Variants in LRIG3 observed in about 807,000 individuals in gnomAD.
LRIG3 encodes leucine rich repeats and immunoglobulin like domains 3.
LRIG3 carries 76 observed loss-of-function variants against 114.5 expected under a neutral mutation model. The ratio of observed to expected loss-of-function variants is 0.66; its 90% CI spans 0.55 to 0.80. LRIG3 has a LOEUF of 0.80. Ranked by LOEUF, LRIG3 falls within the 30% of genes least tolerant of loss-of-function variation. The pLI is 0.00. For synonymous variants in LRIG3, 512 were observed against 519.8 expected (o/e 0.98, Z 0.20); for missense variants, 1,239 against 1,382.8 (o/e 0.90, Z 1.65).
In LRIG3 at chr12:58,872,649, T is replaced by C; in HGVS notation, c.3283A>G (p.Asn1095Asp). 6.2e-7 allele frequency: 1 copy of C among 1,614,122 alleles called. No individual in the cohort carries two copies. Among genetic ancestry groups the C allele is most frequent in the Non-Finnish European group, 8.5e-7 (1 of 1,179,996 alleles). The part of the protein sequence containing the change: ...GKERTDFQEE[N>D]HICTFKQTLE... The stretch of plus-strand genomic sequence containing the variant: ...GTCTGTTTAAAGGTACAAATGTGAT[T>C]TTCTTCCTGAAAATCTGTCCTTTCT... Residue 1095 changes from asparagine (N) to aspartate (D), a missense_variant, in exon 19 of 19, where the codon AAT (asparagine) becomes GAT (aspartate). Physicochemically the swap from Asn to Asp is conservative, Grantham distance 23. Coordinates refer to ENST00000320743, the MANE Select transcript of LRIG3 (RefSeq NM_153377.5).
In LRIG3 at chr12:58,920,281, C is replaced by T; in HGVS notation, c.-46G>A. On this transcript the variant is annotated 5_prime_UTR_variant, in exon 1 of 19. Transcript: ENST00000320743. ...CTCTACCCGAAGCTCCCAGCCGGCG[C>T]GCGCTCGGGGCCCGGCACAAACTTC... 7.7e-7 allele frequency: 1 copy of T among 1,290,410 alleles called. No individual in the cohort carries two copies. Among genetic ancestry groups the T allele is most frequent in the Non-Finnish European group, 9.8e-7 (1 of 1,016,758 alleles). The allele number at this position is 1,290,410 out of a possible 1,614,324, so 79.9% of individuals were successfully genotyped here.
chr12:58,880,530 C>G, intron 13 of LRIG3, 51 bp downstream of exon 13: 1 of 1,564,394 alleles, frequency 6.4e-7, no homozygotes, highest in Non-Finnish European at 8.7e-7. Flanking sequence ...CAGGTGCTTT[C>G]TATTTCTAAA....
intron 3 of LRIG3, among the ~76,000 whole-genome samples, chr12:58,900,386 T>C (rs1488622583): frequency 1.3e-5 from 2 of 152,158 alleles, no homozygotes; most frequent in Admixed American, 1.3e-4. Flanking sequence ...GAACTGTATC[T>C]TCTCTTCATG....
chr12:58,891,992 T>C (rs1871470484), intron 3 of LRIG3, among the ~76,000 whole-genome samples: 1 of 151,936 alleles, frequency 6.6e-6, no homozygotes, highest in Non-Finnish European at 1.5e-5. Context: ...TACCATTGTG[T>C]AAAGTTCTAC....
intron 1 of LRIG3, chr12:58,914,548 C>G: frequency 1.9e-6 from 1 of 523,232 alleles, no homozygotes; most frequent in South Asian, 3.0e-5. Flanking sequence ...GATTCAAATA[C>G]TTTAAGCCCA....
chr12:58,887,617 C>A (rs1871317476), intron 8 of LRIG3, among the ~76,000 whole-genome samples, 172 bp downstream of exon 8: 1 of 152,102 alleles, frequency 6.6e-6, no homozygotes, highest in Admixed American at 6.5e-5. Flanking sequence ...CTATACGAAA[C>A]ACATATGGAT....
At chr12:58,919,613 G>C in intron 1 of LRIG3, 1 of 1,502,782 alleles carries the variant, frequency 6.7e-7, no homozygotes, top group Non-Finnish European at 8.9e-7. Context: ...TCATAACTCA[G>C]CGAGAACTGC....
rs1401023884 is a variant in LRIG3 at position 58,885,870 on chromosome 12, G to C, written c.1205C>G (p.Thr402Ser). 2 of 1,590,500 alleles carry C rather than the reference G, an allele frequency of 1.3e-6. No individual in the cohort carries two copies. The highest frequency in any genetic ancestry group is 1.3e-5 in the African/African-American group (1 of 74,348). ...ILQGNRIRSI[T>S]KKAFTGLDAL... ...ATCCAAACCAGTGAAGGCTTTTTTA[G>C]TAATAGAACGGATCCGATTTCCTTG... The change falls in exon 10 of 19, where the codon ACT (threonine) becomes AGT (serine). Residue 402 changes from threonine to serine, a missense_variant. By Grantham distance (58) the Thr-to-Ser change is moderately conservative. Transcript: ENST00000320743.
Position 58,886,681 on chromosome 12 carries a change from C to G in LRIG3, c.1172+129G>C, listed in dbSNP as rs1172777178. On this transcript the variant is annotated intron_variant, in intron 9 of 18. Transcript: ENST00000320743. ...AACAGCAGGCATTTGGGGAGAGGAT[C>G]AAGGGTGGTAACCAGATTAAGCACT... The G allele has an allele frequency of 6.4e-5, 43 of 669,240 alleles. No individual in the cohort carries two copies. The East Asian group carries it at 1.1e-3, about 17-fold the overall frequency. The allele number at this position is 669,240 out of a possible 1,614,324, so 41.5% of individuals were successfully genotyped here. A position where few individuals can be genotyped will look rare whatever the true frequency, so the allele number is the denominator to read the frequency against.
intron 16 of LRIG3, among the ~76,000 whole-genome samples, chr12:58,875,423 CTG>C (rs1054327012): frequency 4.9e-4 from 75 of 152,342 alleles, no homozygotes; most frequent in African/African-American, 1.8e-3. Context: ...TCTGACGAAA[CTG>C]TGAAATTGAA....
At chr12:58,881,346 T>A (rs1674365741) in intron 12 of LRIG3, among the ~76,000 whole-genome samples, 1 of 143,256 alleles carries the variant, frequency 7.0e-6, no homozygotes, top group Non-Finnish European at 1.5e-5. Context: ...TCATGATTAA[T>A]CAACAAAGAC....
intron 3 of LRIG3, among the ~76,000 whole-genome samples, chr12:58,901,219 T>C (rs1489500814): frequency 6.6e-6 from 1 of 152,226 alleles, no homozygotes; most frequent in African/African-American, 2.4e-5. Flanking sequence ...TAATAACAGC[T>C]GACTACAAAC....
rs1870853730 is a variant in LRIG3, at chr12:58,874,563, A to G, written c.2706T>C (p.His902=). 3.7e-6 allele frequency: 6 copies of G among 1,613,956 alleles called. No individual in the cohort carries two copies. Among genetic ancestry groups the G allele is most frequent in the Non-Finnish European group, 3.4e-6 (4 of 1,179,960 alleles). The change falls in exon 17 of 19, where the codon CAT becomes CAC. Residue 902 remains histidine (H), a synonymous_variant. Coordinates refer to ENST00000320743, the MANE Select transcript of LRIG3 (RefSeq NM_153377.5). ...LPQHDSSGTC[H]IDNSSEADVE... Reference sequence around the variant, plus strand: ...CATCAGCTTCACTGCTATTGTCAATATGGCAGGTCCCTTTGAAACAAAAAT... The same window carrying G: ...CATCAGCTTCACTGCTATTGTCAATGTGGCAGGTCCCTTTGAAACAAAAAT...
intron 12 of LRIG3, among the ~76,000 whole-genome samples, chr12:58,881,848 G>A (rs997100964): frequency 5.9e-5 from 9 of 152,132 alleles, no homozygotes; most frequent in South Asian, 2.1e-4. Flanking sequence ...CTAATAAATC[G>A]ATGTTCAGAT....
intron 12 of LRIG3, among the ~76,000 whole-genome samples, chr12:58,882,427 T>C (rs1871152668): frequency 6.6e-6 from 1 of 152,210 alleles, no homozygotes. Context: ...TACTTGTAAA[T>C]GTTTTACCGA....
intron 1 of LRIG3, chr12:58,919,304 C>A: frequency 7.1e-7 from 1 of 1,415,140 alleles, no homozygotes; most frequent in South Asian, 1.3e-5. Context: ...GCGCTCTCCC[C>A]TAAACCGTCT....
chr12:58,914,077 A>AT (rs1424321406), intron 2 of LRIG3, 21 bp from the exon 3 acceptor site: 1 of 1,589,154 alleles, frequency 6.3e-7, no homozygotes, highest in Non-Finnish European at 8.5e-7. Context: ...CAAAAAAAAA[A>AT]AGAAAAAGAA....
intron 3 of LRIG3, among the ~76,000 whole-genome samples, chr12:58,912,279 G>A (rs773138446): frequency 6.6e-6 from 1 of 152,130 alleles, no homozygotes; most frequent in African/African-American, 2.4e-5. Context: ...GGAGGATTAC[G>A]AGGTCAGGAG....
chr12:58,878,106 C>T (rs1421664818), intron 14 of LRIG3, among the ~76,000 whole-genome samples: 7 of 151,946 alleles, frequency 4.6e-5, no homozygotes, highest in South Asian at 2.1e-4. Flanking sequence ...TTGCAAAAGT[C>T]GGGAAGCTGG....
Sources: allele counts gnomAD v4.1 joint callset (sites outside exome capture counted in the v4.1 genomes callset), GRCh38; gene constraint gnomAD v4.1.1; transcripts MANE v1.5; gene names NCBI Gene and HGNC (gene_info 2026-07-23, HGNC 2026-07-21).